The following TTLL5 variants were observed in gnomAD, a reference collection of about 807,000 sequenced individuals.
The protein encoded by TTLL5 is tubulin tyrosine ligase like 5, also known as tubulin polyglutamylase TTLL5.
Under a neutral mutation model 168.4 loss-of-function variants are expected in TTLL5, and 132 were observed. That is an observed-to-expected ratio of 0.78 (90% CI 0.68 to 0.91). The LOEUF (loss-of-function observed/expected upper bound fraction) is 0.91, where lower values mean the gene tolerates loss of function less well. Ranked by LOEUF, TTLL5 falls within the 40% of genes least tolerant of loss-of-function variation. The pLI, the probability that TTLL5 is intolerant of heterozygous loss-of-function variation, is 0.00. For missense variants in TTLL5, 1,545 were observed against 1,581.5 expected, an observed-to-expected ratio of 0.98 and a Z score of 0.39; for synonymous variants, 546 against 558.6, an observed-to-expected ratio of 0.98 and a Z score of 0.32.
Position 75,863,659 on chromosome 14 carries a change from C to T in TTLL5, c.3327-8C>T, listed in dbSNP as rs2142167. The T allele has an allele frequency of 6.3e-7, 1 of 1,587,828 alleles. No homozygotes were observed. Among genetic ancestry groups the T allele is most frequent in the African/African-American group, 1.4e-5 (1 of 73,420 alleles). On this transcript the variant is annotated splice_polypyrimidine_tract_variant and splice_region_variant and intron_variant, in intron 28 of 31. Transcript: ENST00000298832. Reference sequence around the variant, plus strand: ...CACTCTAAGAAACCTGCTTGCTTTTCTCTTCAGGAGCCTGCAGACAGGGGG... The same window carrying T: ...CACTCTAAGAAACCTGCTTGCTTTTTTCTTCAGGAGCCTGCAGACAGGGGG...
intron 7 of TTLL5, among the ~76,000 whole-genome samples, chr14:75,705,422 TG>T (rs1411899901): frequency 6.6e-6 from 1 of 152,202 alleles, no homozygotes; most frequent in Admixed American, 6.5e-5. Context: ...CTTTTGAATT[TG>T]GGGGACAATT....
Position 75,787,105 on chromosome 14 carries a change from C to G in TTLL5, c.2986+3575C>G, listed in dbSNP as rs567138345. 9.7e-4 allele frequency among the ~76,000 whole-genome samples: 148 copies of G among 152,058 alleles called. 1 individual carries two copies. The highest frequency in any genetic ancestry group is 1.2e-3 in the Non-Finnish European group (81 of 68,018). ...CCAAGATCACACCACTGCACTCCAG[C>G]CTGGGCACAGAGCAAGACTCCATCT... On this transcript the variant is annotated intron_variant, in intron 26 of 31. Transcript: ENST00000298832.
Position 75,783,976 on chromosome 14 carries a change from T to A in TTLL5, c.2986+446T>A, listed in dbSNP as rs148996696. 2.6e-4 allele frequency among the ~76,000 whole-genome samples: 40 copies of A among 152,346 alleles called. No homozygotes were observed. In the East Asian group the frequency reaches 7.7e-3, roughly 29 times the overall value. On this transcript the variant is annotated intron_variant, in intron 26 of 31. Transcript: ENST00000298832. The stretch of plus-strand genomic sequence containing the variant: ...CATTTTAACTGAAATAGACCTATAG[T>A]GTCAAGTTTGTCCTCCATTTTTTAA...
At chr14:75,910,516 C>G (rs1253131734) in intron 31 of TTLL5, among the ~76,000 whole-genome samples, 2 of 152,208 alleles carry the variant, frequency 1.3e-5, no homozygotes, top group East Asian at 3.8e-4. Context: ...ATCCTGTGAA[C>G]CCACACATCT....
At chr14:75,743,691 C>T (rs1254532917) in intron 15 of TTLL5, among the ~76,000 whole-genome samples, 4 of 146,154 alleles carry the variant, frequency 2.7e-5, no homozygotes, top group Non-Finnish European at 5.9e-5. Context: ...ACGCCATTCT[C>T]CTGCCTCAGC....
intron 28 of TTLL5, among the ~76,000 whole-genome samples, chr14:75,839,647 G>A (rs1896110602): frequency 6.6e-6 from 1 of 152,136 alleles, no homozygotes; most frequent in African/African-American, 2.4e-5. Context: ...CAGCACGGGG[G>A]AAACCGTGCC....
chr14:75,708,515 C>G (rs184841080), intron 9 of TTLL5, among the ~76,000 whole-genome samples: 19 of 151,950 alleles, frequency 1.3e-4, no homozygotes, highest in African/African-American at 4.6e-4. Flanking sequence ...TTAGTAGAGA[C>G]GAGGTTTCAC....
At chr14:75,852,218 A>G (rs994530249) in intron 28 of TTLL5, among the ~76,000 whole-genome samples, 2 of 152,156 alleles carry the variant, frequency 1.3e-5, no homozygotes, top group South Asian at 4.1e-4. Flanking sequence ...TCCTGTGCAG[A>G]CCCGTGGTGT....
At chr14:75,662,823 C>T (rs76688956) in intron 1 of TTLL5, among the ~76,000 whole-genome samples, 1 of 152,102 alleles carries the variant, frequency 6.6e-6, no homozygotes, top group Non-Finnish European at 1.5e-5. Flanking sequence ...AGTAACAGCT[C>T]TTCAAATATA....
intron 6 of TTLL5, among the ~76,000 whole-genome samples, chr14:75,693,093 T>A (rs559511096): frequency 6.6e-6 from 1 of 152,076 alleles, no homozygotes; most frequent in South Asian, 2.1e-4. Flanking sequence ...GGGTGAGCAT[T>A]TGAAAGAGAA....
At chr14:75,736,326 G>C (rs1323059229) in intron 15 of TTLL5, among the ~76,000 whole-genome samples, 1 of 151,856 alleles carries the variant, frequency 6.6e-6, no homozygotes, top group Non-Finnish European at 1.5e-5. Flanking sequence ...CCTTTTGCTT[G>C]CTAGTCTCAT....
intron 29 of TTLL5, among the ~76,000 whole-genome samples, chr14:75,870,425 G>T (rs1424665739): frequency 6.6e-6 from 1 of 151,792 alleles, no homozygotes; most frequent in Non-Finnish European, 1.5e-5. Context: ...AATTCTTAAT[G>T]AAAGAAATAT....
chr14:75,675,499 T>C (rs1884072190), intron 3 of TTLL5, among the ~76,000 whole-genome samples: 1 of 152,008 alleles, frequency 6.6e-6, no homozygotes, highest in East Asian at 1.9e-4. Context: ...CACATGTGAG[T>C]GGTTGGAGAA....
chr14:75,890,621 A>G (rs1203695374), intron 30 of TTLL5, among the ~76,000 whole-genome samples: 1 of 152,234 alleles, frequency 6.6e-6, no homozygotes, highest in Non-Finnish European at 1.5e-5. Flanking sequence ...CAAACTGCCT[A>G]AATTGGTTCT....
At chr14:75,920,987 A>AT (rs1191232479) in intron 31 of TTLL5, among the ~76,000 whole-genome samples, 1 of 152,026 alleles carries the variant, frequency 6.6e-6, no homozygotes, top group African/African-American at 2.4e-5. Flanking sequence ...GATGATGAGC[A>AT]TTTTTTCATG....
chr14:75,889,204 A>C (rs1460223307), intron 30 of TTLL5, among the ~76,000 whole-genome samples: 1 of 152,220 alleles, frequency 6.6e-6, no homozygotes, highest in Non-Finnish European at 1.5e-5. Context: ...CCACTGCAGA[A>C]AATTGAATTC....
At chr14:75,856,044 G>A (rs988492606) in intron 28 of TTLL5, among the ~76,000 whole-genome samples, 2 of 152,178 alleles carry the variant, frequency 1.3e-5, no homozygotes, top group African/African-American at 4.8e-5. Flanking sequence ...GGATGTAAAG[G>A]AAAATATGCT....
At position 75,863,926 on chromosome 14, in the gene TTLL5, A is replaced by AAAAAAAG. The variant is rs1595169444; in HGVS notation, c.3522+70_3522+71insGAAAAAA. The AAAAAAAG allele has an allele frequency of 2.3e-3, 2,929 of 1,256,424 alleles. 46 individuals carry two copies. The highest frequency in any genetic ancestry group is 9.6e-3 in the East Asian group (304 of 31,606). 77.8% of individuals were successfully genotyped at this position (1,256,424 alleles called of 1,614,324 possible). On this transcript the variant is annotated intron_variant, in intron 29 of 31. Coordinates refer to ENST00000298832, the MANE Select transcript of TTLL5 (RefSeq NM_015072.5). ...CTGCTGTTGGTAAAAAAAAAAAAAAAAAAAAAAAGGTCAGTGAATGAGAAA... is the reference window on the plus strand; with the variant it reads ...CTGCTGTTGGTAAAAAAAAAAAAAAAAAAAAAGAAAAAAAAGGTCAGTGAATGAGAAA...
At chr14:75,883,638 A>G (rs755967580) in intron 30 of TTLL5, among the ~76,000 whole-genome samples, 1 of 152,234 alleles carries the variant, frequency 6.6e-6, no homozygotes, top group Non-Finnish European at 1.5e-5. Flanking sequence ...AAAAGTCATT[A>G]CTGTTTTTTC....
Sources: allele counts gnomAD v4.1 joint callset (sites outside exome capture counted in the v4.1 genomes callset), GRCh38; gene constraint gnomAD v4.1.1; transcripts MANE v1.5; gene names NCBI Gene and HGNC (gene_info 2026-07-23, HGNC 2026-07-21).